The following TGFA variants were observed in gnomAD, a reference collection of about 807,000 sequenced individuals.
TGFA encodes protransforming growth factor alpha.
TGFA carries 12 observed loss-of-function variants against 21.7 expected under a neutral mutation model. The observed-to-expected ratio is 0.55, with a 90% confidence interval of 0.35 to 0.90. The LOEUF (loss-of-function observed/expected upper bound fraction) is 0.90. TGFA is among the 40% of genes least tolerant of loss of function. TGFA has a pLI of 0.01. For synonymous variants in TGFA, 79 were observed against 88.1 expected (o/e 0.90, Z 0.58); for missense variants, 178 against 210.8 (o/e 0.84, Z 0.96).
rs1490805452 is a variant in TGFA, at chr2:70,447,329, A to C, written c.*3530T>G. On this transcript the variant is annotated 3_prime_UTR_variant, in exon 6 of 6. Coordinates refer to ENST00000295400, the MANE Select transcript of TGFA (RefSeq NM_003236.4). ...TCCTTCATCCTTCCAAATAAGGTAC[A>C]GTACAACTCAATAACAATGCACATT... 3.9e-5 allele frequency: 6 copies of C among 152,698 alleles called. No individual in the cohort carries two copies. The highest frequency in any genetic ancestry group is 9.6e-5 in the African/African-American group (4 of 41,468). The allele number at this position is 152,698 out of a possible 1,614,324, so 9.5% of individuals were successfully genotyped here. A position where few individuals can be genotyped will look rare whatever the true frequency, so the allele number is the denominator to read the frequency against.
chr2:70,544,059 A>G (rs1031360158), intron 1 of TGFA, among the ~76,000 whole-genome samples: 5 of 152,164 alleles, frequency 3.3e-5, no homozygotes, highest in African/African-American at 1.2e-4. Flanking sequence ...GCTTTAAAAA[A>G]CTAACAAAAC....
chr2:70,499,342 T>A (rs1553498788), intron 2 of TGFA, among the ~76,000 whole-genome samples: 1 of 152,216 alleles, frequency 6.6e-6, no homozygotes, highest in African/African-American at 2.4e-5. Flanking sequence ...TGCTGATGGA[T>A]CCCACTTGCT....
At position 70,447,666 on chromosome 2, in the gene TGFA, A is replaced by G. The variant is rs1378547369; in HGVS notation, c.*3193T>C. On this transcript the variant is annotated 3_prime_UTR_variant, in exon 6 of 6. Coordinates refer to ENST00000295400, the MANE Select transcript of TGFA (RefSeq NM_003236.4). ...TCTCTCTCTCTCTGTGTGAACCACT[A>G]GATCTTTCAGAAAGCCTGGTAAATC... The G allele has an allele frequency of 6.6e-6, 1 of 152,442 alleles. No individual in the cohort carries two copies. Among genetic ancestry groups the G allele is most frequent in the Non-Finnish European group, 1.5e-5 (1 of 68,042 alleles). The allele number at this position is 152,442 out of a possible 1,614,324, so 9.4% of individuals were successfully genotyped here. A position where few individuals can be genotyped will look rare whatever the true frequency, so the allele number is the denominator to read the frequency against.
At chr2:70,485,444 G>A (rs1372695066) in intron 2 of TGFA, among the ~76,000 whole-genome samples, 2 of 152,132 alleles carry the variant, frequency 1.3e-5, no homozygotes, top group Admixed American at 6.5e-5. Context: ...CACCATGTTG[G>A]CCAGGCTGGT....
intron 1 of TGFA, among the ~76,000 whole-genome samples, chr2:70,545,988 ACT>A (rs1247361188): frequency 6.6e-6 from 1 of 152,218 alleles, no homozygotes; most frequent in Non-Finnish European, 1.5e-5. Context: ...AAATTTACTG[ACT>A]CTAACAAATA....
rs782780027 is a variant in TGFA, at chr2:70,463,305, T to C, written c.215+2311A>G. 2.0e-5 allele frequency among the ~76,000 whole-genome samples: 3 copies of C among 152,112 alleles called. No individual in the cohort carries two copies. The South Asian group carries it at 6.2e-4, about 32-fold the overall frequency. On this transcript the variant is annotated intron_variant, in intron 3 of 5. Coordinates refer to ENST00000295400, the MANE Select transcript of TGFA (RefSeq NM_003236.4). ...ATTGAGCACTTACTATTATTATTAA[T>C]AGTAACGTGTATGATGTGAATGTGG... is the stretch of plus-strand genomic sequence containing the variant.
At chr2:70,500,968 TC>T (rs1330109231) in intron 2 of TGFA, among the ~76,000 whole-genome samples, 7 of 97,790 alleles carry the variant, frequency 7.2e-5, no homozygotes, top group Admixed American at 3.0e-4. Context: ...TAGGGCCATC[TC>T]CAAAAAAAAA....
intron 2 of TGFA, among the ~76,000 whole-genome samples, chr2:70,502,635 T>G (rs1174902000): frequency 6.6e-6 from 1 of 152,208 alleles, no homozygotes; most frequent in African/African-American, 2.4e-5. Context: ...GTTCTTTAAG[T>G]GTCAAAAATA....
intron 2 of TGFA, among the ~76,000 whole-genome samples, chr2:70,498,340 G>A (rs1178541440): frequency 6.6e-6 from 1 of 152,228 alleles, no homozygotes; most frequent in Non-Finnish European, 1.5e-5. Flanking sequence ...CCAGGGCCCT[G>A]CCTTTCCTGG....
At chr2:70,451,321 G>A (rs561942550) in intron 5 of TGFA, among the ~76,000 whole-genome samples, 3 of 152,308 alleles carry the variant, frequency 2.0e-5, no homozygotes, top group South Asian at 2.1e-4. Flanking sequence ...TGTGTCTGTC[G>A]TGGTGAGGCA....
intron 1 of TGFA, among the ~76,000 whole-genome samples, chr2:70,549,248 G>A (rs1347109430): frequency 2.6e-5 from 4 of 152,084 alleles, no homozygotes; most frequent in East Asian, 1.9e-4. Context: ...TGTCCTGGTC[G>A]GCATGACAGG....
intron 2 of TGFA, among the ~76,000 whole-genome samples, chr2:70,490,951 T>G (rs1395416218): frequency 2.6e-5 from 4 of 152,134 alleles, no homozygotes; most frequent in Non-Finnish European, 5.9e-5. Context: ...AAATAGAAAG[T>G]GGCTCTTGGT....
chr2:70,547,979 A>C (rs1176044760), intron 1 of TGFA, among the ~76,000 whole-genome samples: 1 of 151,726 alleles, frequency 6.6e-6, no homozygotes, highest in Non-Finnish European at 1.5e-5. Flanking sequence ...TCATGAAAAC[A>C]CTCTCTTACA....
At chr2:70,479,034 A>G (rs1367424342) in intron 2 of TGFA, among the ~76,000 whole-genome samples, 32 of 152,146 alleles carry the variant, frequency 2.1e-4, no homozygotes, top group African/African-American at 7.7e-4. Flanking sequence ...ATCTGATTTC[A>G]TATCCTCATT....
At chr2:70,533,036 AT>A (rs3836150) in intron 1 of TGFA, among the ~76,000 whole-genome samples, 45 of 143,760 alleles carry the variant, frequency 3.1e-4, no homozygotes, top group Admixed American at 6.9e-4. Flanking sequence ...TAATTTTTGT[AT>A]TTTTTTTTTT....
chr2:70,550,054 C>T (rs1330649213), intron 1 of TGFA, among the ~76,000 whole-genome samples: 1 of 152,234 alleles, frequency 6.6e-6, no homozygotes, highest in East Asian at 1.9e-4. Context: ...GAAACGTCTT[C>T]TTTCAGTTCC....
intron 1 of TGFA, among the ~76,000 whole-genome samples, chr2:70,539,938 A>G (rs111662164): frequency 1.3e-3 from 200 of 152,326 alleles, no homozygotes; most frequent in African/African-American, 4.7e-3. Flanking sequence ...CCATTTGAGA[A>G]GGGGACATGA....
chr2:70,466,959 C>T (rs1670583738), intron 2 of TGFA, among the ~76,000 whole-genome samples: 1 of 152,092 alleles, frequency 6.6e-6, no homozygotes, highest in African/African-American at 2.4e-5. Context: ...TGCATGTTCT[C>T]ACTTATAAGT....
chr2:70,505,105 G>T (rs1200061826), intron 2 of TGFA, among the ~76,000 whole-genome samples: 1 of 152,194 alleles, frequency 6.6e-6, no homozygotes, highest in Non-Finnish European at 1.5e-5. Context: ...AAATTCTATT[G>T]TGATTGATAA....
Sources: gnomAD v4.1 joint callset for allele counts (sites outside exome capture counted in the v4.1 genomes callset) on GRCh38, gnomAD v4.1.1 for gene constraint, MANE v1.5 for transcripts, NCBI Gene and HGNC (gene_info 2026-07-23, HGNC 2026-07-21) for gene names.